Variants in PRKG1 observed in about 807,000 individuals in gnomAD.
PRKG1 encodes protein kinase cGMP-dependent 1.
In PRKG1, 35 loss-of-function variants were observed where a neutral mutation model predicts 88.1. The observed-to-expected ratio is 0.40, with a 90% CI of 0.30 to 0.53. The LOEUF is 0.53. Ranked by LOEUF, PRKG1 falls within the 20% of genes least tolerant of loss-of-function variation. The pLI is 0.59. For missense variants in PRKG1, 540 were observed against 839.8 expected (o/e 0.64, Z 4.41); for synonymous variants, 303 against 292.5 (o/e 1.04, Z -0.37).
intron 5 of PRKG1, among the ~76,000 whole-genome samples, chr10:52,000,462 G>A (rs1363315294): frequency 6.6e-6 from 1 of 151,948 alleles, no homozygotes; most frequent in Admixed American, 6.6e-5. Flanking sequence ...TACTCAATGG[G>A]AATCTAAATA....
intron 9 of PRKG1, among the ~76,000 whole-genome samples, chr10:52,224,556 GTA>G (rs1840332365): frequency 1.5e-5 from 2 of 131,192 alleles, no homozygotes. Flanking sequence ...CACCCAAGCA[GTA>G]TACACTTCAC....
At chr10:51,251,227 C>T (rs1298798916) in intron 2 of PRKG1, among the ~76,000 whole-genome samples, 1 of 151,662 alleles carries the variant, frequency 6.6e-6, no homozygotes, top group East Asian at 1.9e-4. Context: ...AGACCAGGCA[C>T]CTGTTTCATA....
chr10:51,208,170 C>T (rs771100981), intron 2 of PRKG1, among the ~76,000 whole-genome samples: 1 of 152,128 alleles, frequency 6.6e-6, no homozygotes, highest in Non-Finnish European at 1.5e-5. Flanking sequence ...CAGTCTTTGT[C>T]CATTAAAACT....
In PRKG1 at chr10:51,669,988, T is replaced by C. The variant is rs116390479; in HGVS notation, c.593-134597T>C. ...AATAATAAAAATTATGGCTTTATGA[T>C]AAATATGCTTATATTTGCCTATGAT... On this transcript the variant is annotated intron_variant, in intron 3 of 17. Transcript: ENST00000373980. Among the ~76,000 whole-genome samples, 427 of 152,346 alleles carry C rather than the reference T, an allele frequency of 2.8e-3. 4 individuals carry two copies. Among genetic ancestry groups the C allele is most frequent in the African/African-American group, 9.7e-3 (403 of 41,572 alleles).
chr10:51,873,086 A>G (rs1841201848), intron 4 of PRKG1, among the ~76,000 whole-genome samples: 1 of 152,160 alleles, frequency 6.6e-6, no homozygotes. Flanking sequence ...CAAATACCTA[A>G]TTATTTTAAT....
At chr10:51,804,341 A>G (rs1839250430) in intron 3 of PRKG1, among the ~76,000 whole-genome samples, 1 of 152,152 alleles carries the variant, frequency 6.6e-6, no homozygotes, top group Non-Finnish European at 1.5e-5. Flanking sequence ...AGCAAGGGCA[A>G]CAGGAATCTT....
intron 2 of PRKG1, among the ~76,000 whole-genome samples, chr10:51,174,932 C>T (rs944169777): frequency 6.6e-6 from 1 of 151,954 alleles, no homozygotes; most frequent in African/African-American, 2.4e-5. Context: ...ATCCAGTCCT[C>T]ACAGTAACAT....
chr10:52,248,825 C>T (rs972919182), intron 9 of PRKG1, among the ~76,000 whole-genome samples: 5 of 152,068 alleles, frequency 3.3e-5, no homozygotes, highest in Non-Finnish European at 7.4e-5. Context: ...CATAAAGTAA[C>T]TGCCTTATAA....
chr10:51,052,780 C>T (rs1236438293), intron 1 of PRKG1, among the ~76,000 whole-genome samples: 3 of 152,160 alleles, frequency 2.0e-5, no homozygotes, highest in African/African-American at 4.8e-5. Context: ...ATCACCAAAC[C>T]AGCTAACTTT....
chr10:51,351,042 G>A (rs1207012492), intron 2 of PRKG1, among the ~76,000 whole-genome samples: 1 of 152,120 alleles, frequency 6.6e-6, no homozygotes, highest in African/African-American at 2.4e-5. Context: ...AGTTTGCTGA[G>A]AATGATGGTT....
chr10:51,444,280 T>A (rs1175720770), intron 2 of PRKG1, among the ~76,000 whole-genome samples: 1 of 151,610 alleles, frequency 6.6e-6, no homozygotes, highest in Non-Finnish European at 1.5e-5. Flanking sequence ...TTGCACCTCA[T>A]CATTTTGCAG....
chr10:52,150,451 T>C (rs954305586), intron 8 of PRKG1, among the ~76,000 whole-genome samples: 25 of 152,110 alleles, frequency 1.6e-4, no homozygotes, highest in Admixed American at 1.6e-3. Context: ...GGAACATCCA[T>C]GTAAAATAGT....
chr10:51,714,059 A>G (rs1841825793), intron 3 of PRKG1, among the ~76,000 whole-genome samples: 1 of 151,962 alleles, frequency 6.6e-6, no homozygotes, highest in South Asian at 2.1e-4. Flanking sequence ...GGCTCACCGC[A>G]AGCTCCGCCT....
chr10:51,003,150 G>A (rs191252392), intron 1 of PRKG1, among the ~76,000 whole-genome samples: 6 of 151,930 alleles, frequency 3.9e-5, no homozygotes, highest in East Asian at 3.9e-4. Flanking sequence ...ATGCTTTCTC[G>A]TGTCTGCAGG....
At chr10:52,177,330 C>T (rs1053847895) in intron 9 of PRKG1, among the ~76,000 whole-genome samples, 1 of 152,032 alleles carries the variant, frequency 6.6e-6, no homozygotes, top group African/African-American at 2.4e-5. Context: ...ATCTTTTAAA[C>T]CATCCTTGCA....
chr10:52,186,232 A>G (rs968563761), intron 9 of PRKG1, among the ~76,000 whole-genome samples: 1 of 152,144 alleles, frequency 6.6e-6, no homozygotes, highest in Non-Finnish European at 1.5e-5. Flanking sequence ...GTCATGGTGG[A>G]AGGGAAAGGA....
At chr10:51,034,671 TATATATATATATATATATA>T (rs771867035) in intron 1 of PRKG1, among the ~76,000 whole-genome samples, 3,630 of 44,408 alleles carry the variant, frequency 0.082, 245 homozygotes, top group African/African-American at 0.11. Context: ...ATGTTATTTA[TATATATATATATATATATA>T]TATATATATA....
chr10:51,443,486 T>C (rs1004529712), intron 2 of PRKG1, among the ~76,000 whole-genome samples: 3 of 152,026 alleles, frequency 2.0e-5, no homozygotes, highest in African/African-American at 7.2e-5. Flanking sequence ...TTCATGAATT[T>C]TTTCTATTGT....
At chr10:52,179,636 G>A (rs1307469771) in intron 9 of PRKG1, among the ~76,000 whole-genome samples, 1 of 152,112 alleles carries the variant, frequency 6.6e-6, no homozygotes, top group Non-Finnish European at 1.5e-5. Context: ...CTATCTCACA[G>A]GGCTTGGGAG....
Sources: gnomAD v4.1 joint callset for allele counts (sites outside exome capture counted in the v4.1 genomes callset) on GRCh38, gnomAD v4.1.1 for gene constraint, MANE v1.5 for transcripts, NCBI Gene and HGNC (gene_info 2026-07-23, HGNC 2026-07-21) for gene names.